The following ERBB4 variants were observed in gnomAD, a reference collection of about 807,000 sequenced individuals.
The protein encoded by ERBB4 is erb-b2 receptor tyrosine kinase 4.
In ERBB4, 42 loss-of-function variants were observed where a neutral mutation model predicts 158.0. That is an observed-to-expected ratio of 0.27 (90% confidence interval 0.21 to 0.34). The LOEUF (loss-of-function observed/expected upper bound fraction) is 0.34, where lower values mean the gene tolerates loss of function less well. Ranked by LOEUF, ERBB4 falls within the 10% of genes least tolerant of loss-of-function variation. The pLI is 1.00. For missense variants in ERBB4, 1,333 were observed against 1,624.1 expected (o/e 0.82, Z 3.08); for synonymous variants, 583 against 558.7 (o/e 1.04, Z -0.61).
At chr2:212,258,613 G>T (rs1359695499) in intron 1 of ERBB4, among the ~76,000 whole-genome samples, 1 of 147,866 alleles carries the variant, frequency 6.8e-6, no homozygotes, top group Non-Finnish European at 1.5e-5. Context: ...AAATATATAA[G>T]ATATATATAA....
intron 14 of ERBB4, among the ~76,000 whole-genome samples, chr2:211,672,134 A>C (rs1398315322): frequency 6.6e-6 from 1 of 152,120 alleles, no homozygotes; most frequent in Non-Finnish European, 1.5e-5. Context: ...GGAAGTCTGG[A>C]GGGCTCAATG....
intron 1 of ERBB4, among the ~76,000 whole-genome samples, chr2:212,428,855 C>A (rs1260675422): frequency 6.6e-6 from 1 of 152,008 alleles, no homozygotes; most frequent in Admixed American, 6.6e-5. Context: ...GTAGGCATAA[C>A]AGATAGAGGG....
chr2:212,041,027 G>A (rs1362396223), intron 2 of ERBB4, among the ~76,000 whole-genome samples: 4 of 151,926 alleles, frequency 2.6e-5, no homozygotes, highest in Non-Finnish European at 5.9e-5. Context: ...AGACTTCTTG[G>A]TTCAAATCCC....
intron 1 of ERBB4, among the ~76,000 whole-genome samples, chr2:212,365,500 T>C (rs990774651): frequency 1.3e-5 from 2 of 151,806 alleles, no homozygotes; most frequent in African/African-American, 2.4e-5. Context: ...CTATTGCAAA[T>C]TCAGCATTAC....
intron 1 of ERBB4, among the ~76,000 whole-genome samples, chr2:212,311,692 AT>A (rs1402302429): frequency 1.3e-5 from 2 of 151,034 alleles, no homozygotes; most frequent in Non-Finnish European, 3.0e-5. Context: ...AAATGGGACC[AT>A]TTTGCAGAAT....
intron 6 of ERBB4, among the ~76,000 whole-genome samples, chr2:211,724,344 C>T (rs2074196059): frequency 2.1e-5 from 3 of 145,306 alleles, no homozygotes; most frequent in Admixed American, 6.8e-5. Context: ...AATTAAGTGT[C>T]TTTCTTTTTT....
At chr2:212,257,184 C>T (rs1441300811) in intron 1 of ERBB4, among the ~76,000 whole-genome samples, 2 of 152,060 alleles carry the variant, frequency 1.3e-5, no homozygotes, top group African/African-American at 4.8e-5. Flanking sequence ...TAACTTAAAT[C>T]CAAAACTTGT....
chr2:212,334,820 T>G (rs990212672), intron 1 of ERBB4, among the ~76,000 whole-genome samples: 18 of 152,024 alleles, frequency 1.2e-4, no homozygotes, highest in African/African-American at 4.3e-4. Context: ...GCTCATTTCA[T>G]TTCATGACAA....
intron 3 of ERBB4, among the ~76,000 whole-genome samples, chr2:211,802,812 G>T (rs982470479): frequency 6.6e-6 from 1 of 152,148 alleles, no homozygotes; most frequent in Non-Finnish European, 1.5e-5. Flanking sequence ...TGGAGAAGAC[G>T]CTCCCTTTTA....
At chr2:212,174,049 C>T (rs970200492) in intron 1 of ERBB4, among the ~76,000 whole-genome samples, 7 of 152,026 alleles carry the variant, frequency 4.6e-5, no homozygotes, top group Non-Finnish European at 1.5e-5. Flanking sequence ...TAAAGGTCTG[C>T]CATTAGACAG....
intron 1 of ERBB4, among the ~76,000 whole-genome samples, chr2:212,273,804 A>G (rs912616597): frequency 3.3e-5 from 5 of 151,806 alleles, no homozygotes; most frequent in African/African-American, 1.2e-4. Context: ...TGAAGAAATG[A>G]GCCATGAAAA....
intron 3 of ERBB4, among the ~76,000 whole-genome samples, chr2:211,908,028 T>C (rs1159216495): frequency 6.7e-6 from 1 of 149,428 alleles, no homozygotes; most frequent in African/African-American, 2.5e-5. Context: ...TAAGAGTACC[T>C]TTATTGGAGC....
intron 15 of ERBB4, among the ~76,000 whole-genome samples, chr2:211,662,682 G>A (rs539116034): frequency 6.6e-6 from 1 of 152,176 alleles, no homozygotes; most frequent in East Asian, 1.9e-4. Context: ...CTGATAAGGA[G>A]TAAATAGATG....
At chr2:211,898,405 G>A (rs1294107811) in intron 3 of ERBB4, among the ~76,000 whole-genome samples, 1 of 152,042 alleles carries the variant, frequency 6.6e-6, no homozygotes, top group Admixed American at 6.6e-5. Flanking sequence ...GTTACCTGGA[G>A]TTCATTTCCA....
chr2:212,519,703 AG>A (rs1209868110), intron 1 of ERBB4, among the ~76,000 whole-genome samples: 1 of 151,990 alleles, frequency 6.6e-6, no homozygotes, highest in Non-Finnish European at 1.5e-5. Context: ...GGTAAATACA[AG>A]GAGCTAAAAA....
intron 2 of ERBB4, among the ~76,000 whole-genome samples, chr2:211,992,568 A>AG (rs113455518): frequency 0.23 from 17,548 of 75,338 alleles, 1,149 homozygotes; most frequent in Non-Finnish European, 0.35. Flanking sequence ...AGAGAGAGAG[A>AG]AAAAAAAAAA....
In ERBB4 at chr2:212,167,118, C is replaced by T. The variant is rs557292929; in HGVS notation, c.83-42215G>A. Among the ~76,000 whole-genome samples, 25 of 152,008 alleles carry T rather than the reference C, an allele frequency of 1.6e-4. No individual in the cohort carries two copies. In the South Asian group the frequency reaches 2.5e-3, roughly 15 times the overall value. ...GGATCTAATTAAACTCAAGAGTTTC[C>T]GCACAGCAAAAGAAACTATCATCAG... On this transcript the variant is annotated intron_variant, in intron 1 of 27. Transcript: ENST00000342788.
At position 212,049,568 on chromosome 2, in the gene ERBB4, C is replaced by A. The variant is rs2077345765; in HGVS notation, c.234+75184G>T. On this transcript the variant is annotated intron_variant, in intron 2 of 27. Transcript: ENST00000342788. Reference sequence around the variant, plus strand: ...CAGTGTATGATGAAATTAAGCTATCCTTTTTGTTTTCTCAGTACTTCTCAG... The same window carrying A: ...CAGTGTATGATGAAATTAAGCTATCATTTTTGTTTTCTCAGTACTTCTCAG... Among the ~76,000 whole-genome samples the A allele has an allele frequency of 2.0e-5, 3 of 152,124 alleles. No individual in the cohort carries two copies. The South Asian group carries it at 6.2e-4, about 32-fold the overall frequency.
intron 1 of ERBB4, among the ~76,000 whole-genome samples, chr2:212,157,213 G>A (rs963032452): frequency 6.6e-6 from 1 of 151,968 alleles, no homozygotes; most frequent in South Asian, 2.1e-4. Flanking sequence ...CTGGGCCATG[G>A]CACATGCTTT....
Sources: gnomAD v4.1 joint callset for allele counts (sites outside exome capture counted in the v4.1 genomes callset) on GRCh38, gnomAD v4.1.1 for gene constraint, MANE v1.5 for transcripts, NCBI Gene and HGNC (gene_info 2026-07-23, HGNC 2026-07-21) for gene names.